Variants in IGF2R observed in about 807,000 individuals in gnomAD.
IGF2R encodes the protein cation-independent mannose-6-phosphate receptor.
In IGF2R, 91 loss-of-function variants were observed where a neutral mutation model predicts 270.6. The observed-to-expected ratio is 0.34, with a 90% confidence interval of 0.28 to 0.40. The LOEUF is 0.40. Among genes scored for constraint, IGF2R ranks in the 10% least tolerant of loss-of-function variants. IGF2R has a pLI of 1.00. For synonymous variants in IGF2R, 1,316 were observed against 1,258.9 expected, an observed-to-expected ratio of 1.05 and a Z score of -0.96; for missense variants, 2,805 against 3,188.3, an observed-to-expected ratio of 0.88 and a Z score of 2.90.
At chr6:160,080,664 T>C (rs1363121967) in intron 39 of IGF2R, among the ~76,000 whole-genome samples, 1 of 152,120 alleles carries the variant, frequency 6.6e-6, no homozygotes, top group Non-Finnish European at 1.5e-5. Flanking sequence ...GCGACTCATT[T>C]ATTGACTTTC....
In IGF2R at chr6:160,043,082, A is replaced by G. The variant is rs936864211; in HGVS notation, c.1481-66A>G. 85 of 1,567,048 alleles carry G rather than the reference A, an allele frequency of 5.4e-5. 1 individual carries two copies. Among genetic ancestry groups the G allele is most frequent in the Admixed American group, 3.8e-4 (22 of 57,998 alleles). On this transcript the variant is annotated intron_variant, in intron 11 of 47. Coordinates refer to ENST00000356956, the MANE Select transcript of IGF2R (RefSeq NM_000876.4). Reference sequence around the variant, plus strand: ...GCCCTTGACTTTTGGCTTAATCACTATTTATTCTGTGACTCAGAGAAATCA... The same window carrying G: ...GCCCTTGACTTTTGGCTTAATCACTGTTTATTCTGTGACTCAGAGAAATCA...
intron 3 of IGF2R, among the ~76,000 whole-genome samples, 168 bp downstream of exon 3, chr6:160,009,302 A>G (rs752891124): frequency 6.6e-6 from 1 of 152,180 alleles, no homozygotes; most frequent in Non-Finnish European, 1.5e-5. Flanking sequence ...TAAGTAAACA[A>G]ATTCTAAACT....
intron 4 of IGF2R, 137 bp from the exon 5 acceptor site, chr6:160,024,435 T>G: frequency 1.3e-6 from 1 of 782,510 alleles, no homozygotes; most frequent in Non-Finnish European, 2.1e-6. Flanking sequence ...GACCTTTGCC[T>G]GAGTTCGTTA....
intron 4 of IGF2R, among the ~76,000 whole-genome samples, chr6:160,023,430 A>G (rs1389196269): frequency 2.0e-5 from 3 of 152,160 alleles, no homozygotes; most frequent in Admixed American, 6.5e-5. Flanking sequence ...ATTTAAATAC[A>G]TGAAATTTGA....
intron 13 of IGF2R, among the ~76,000 whole-genome samples, 162 bp from the exon 14 acceptor site, chr6:160,045,583 G>C (rs1176543137): frequency 6.6e-6 from 1 of 152,128 alleles, no homozygotes; most frequent in African/African-American, 2.4e-5. Flanking sequence ...CCTCATATAG[G>C]TGGAATGCTA....
At position 160,065,810 on chromosome 6, in the gene IGF2R, GTGTGTA is replaced by G. The variant is rs1351527475; in HGVS notation, c.4115+911_4115+916del. Among the ~76,000 whole-genome samples, 179 of 72,956 alleles carry G rather than the reference GTGTGTA, an allele frequency of 2.5e-3. 1 individual carries two copies. Among genetic ancestry groups the G allele is most frequent in the Non-Finnish European group, 2.0e-3 (78 of 38,860 alleles). 47.9% of individuals were successfully genotyped at this position (72,956 alleles called of 152,430 possible). Reference sequence around the variant, plus strand: ...TGTGTGTGTGTGTGTGTGTGTGTGTGTGTGTATATATATATATATATATATATATAT... The same window carrying G: ...TGTGTGTGTGTGTGTGTGTGTGTGTGTATATATATATATATATATATATAT... On this transcript the variant is annotated intron_variant, in intron 29 of 47. Transcript: ENST00000356956.
intron 29 of IGF2R, among the ~76,000 whole-genome samples, chr6:160,066,661 C>T (rs1051924716): frequency 4.6e-5 from 7 of 151,882 alleles, no homozygotes; most frequent in African/African-American, 1.2e-4. Flanking sequence ...CTTTTTGGAA[C>T]CTTCTATAAC....
At chr6:160,006,151 C>G (rs1784225884) in intron 2 of IGF2R, 1 of 161,654 alleles carries the variant, frequency 6.2e-6, no homozygotes, top group Admixed American at 6.6e-5. Flanking sequence ...GCGCCTCCCC[C>G]CTCGCGCCTC....
rs370038820 is a variant in IGF2R, at chr6:160,014,617, A to G, written c.513+3832A>G. Among the ~76,000 whole-genome samples, 6 of 152,254 alleles carry G rather than the reference A, an allele frequency of 3.9e-5. No individual in the cohort carries two copies. The South Asian group carries it at 8.3e-4, about 21-fold the overall frequency. Reference sequence around the variant, plus strand: ...TTCTTTCATTTTCCCTTCTTGCCATATGCCATCTTGCTCCCTTTTCCATCA... The same window carrying G: ...TTCTTTCATTTTCCCTTCTTGCCATGTGCCATCTTGCTCCCTTTTCCATCA... On this transcript the variant is annotated intron_variant, in intron 4 of 47. Coordinates refer to ENST00000356956, the MANE Select transcript of IGF2R (RefSeq NM_000876.4).
chr6:160,103,664 T>G, intron 46 of IGF2R, 82 bp from the exon 47 acceptor site: 1 of 891,442 alleles, frequency 1.1e-6, no homozygotes, highest in Non-Finnish European at 1.9e-6. Flanking sequence ...GTGGTGCAGA[T>G]GGGGGTGGGG....
chr6:160,072,677 A>G (rs1778768704), intron 32 of IGF2R, 88 bp from the exon 33 acceptor site: 2 of 1,463,882 alleles, frequency 1.4e-6, no homozygotes, highest in Non-Finnish European at 1.9e-6. Context: ...CGATGCTGAC[A>G]TAATCTGTGT....
At chr6:160,069,533 A>G (rs1283365718) in intron 30 of IGF2R, among the ~76,000 whole-genome samples, 1 of 152,216 alleles carries the variant, frequency 6.6e-6, no homozygotes, top group Non-Finnish European at 1.5e-5. Flanking sequence ...GCATGGACGT[A>G]GGCCATTTAA....
intron 42 of IGF2R, 43 bp downstream of exon 42, chr6:160,088,190 T>C (rs1391221279): frequency 4.1e-6 from 5 of 1,231,164 alleles, no homozygotes; most frequent in South Asian, 2.4e-5. Context: ...GCAGTGAGCA[T>C]ACTGGAGGGA....
At position 159,984,726 on chromosome 6, in the gene IGF2R, A is replaced by G. The variant is rs571600006; in HGVS notation, c.150-6458A>G. On this transcript the variant is annotated intron_variant, in intron 1 of 47. Coordinates refer to ENST00000356956, the MANE Select transcript of IGF2R (RefSeq NM_000876.4). Reference sequence around the variant, plus strand: ...CAGTGACAGAATTGCCTCATGACACATTTCTGATGACGTATCGCCATTAAG... The same window carrying G: ...CAGTGACAGAATTGCCTCATGACACGTTTCTGATGACGTATCGCCATTAAG... Among the ~76,000 whole-genome samples the G allele has an allele frequency of 5.9e-5, 9 of 152,278 alleles. No homozygotes were observed. In the South Asian group the frequency reaches 1.7e-3, roughly 28 times the overall value.
Position 159,981,641 on chromosome 6 carries a change from GT to G in IGF2R, c.150-9539del, listed in dbSNP as rs371178231. Among the ~76,000 whole-genome samples, 560 of 152,334 alleles carry G rather than the reference GT, an allele frequency of 3.7e-3. 2 individuals carry two copies. The highest frequency in any genetic ancestry group is 0.013 in the African/African-American group (527 of 41,574). ...CACAATGACCTTGTAGGCTAGCTGA[GT>G]TTTGTCGAGGAAGTTGAGCTGGGAG... On this transcript the variant is annotated intron_variant, in intron 1 of 47. Transcript: ENST00000356956.
chr6:159,993,719 G>A (rs2115185533), intron 2 of IGF2R, among the ~76,000 whole-genome samples: 1 of 152,142 alleles, frequency 6.6e-6, no homozygotes, highest in South Asian at 2.1e-4. Context: ...CTACTCATAT[G>A]GTTCCATATG....
intron 37 of IGF2R, 54 bp downstream of exon 37, chr6:160,078,416 T>C (rs1778902131): frequency 2.6e-6 from 4 of 1,548,230 alleles, no homozygotes; most frequent in South Asian, 1.1e-5. Flanking sequence ...TGCCAGGTGC[T>C]GTGAGGCTGC....
At chr6:159,969,914 C>CT (rs1218152715) in intron 1 of IGF2R, among the ~76,000 whole-genome samples, 1 of 152,056 alleles carries the variant, frequency 6.6e-6, no homozygotes, top group East Asian at 1.9e-4. Flanking sequence ...TGATTTCCCC[C>CT]CGTGGGCTCA....
At chr6:160,024,522 A>G (rs745411152) in intron 4 of IGF2R, 50 bp from the exon 5 acceptor site, 6 of 1,585,462 alleles carry the variant, frequency 3.8e-6, no homozygotes. Context: ...AGCTTTTCTG[A>G]TTGACCAAGA....
Sources: allele counts gnomAD v4.1 joint callset (sites outside exome capture counted in the v4.1 genomes callset), GRCh38; gene constraint gnomAD v4.1.1; transcripts MANE v1.5; gene names NCBI Gene and HGNC (gene_info 2026-07-23, HGNC 2026-07-21).